The following CSPG4 variants were observed in gnomAD, a reference collection of about 807,000 sequenced individuals.
CSPG4 encodes the protein chondroitin sulfate proteoglycan 4 (melanoma-associated).
CSPG4 carries 74 observed loss-of-function variants against 139.3 expected under a neutral mutation model. That is an observed-to-expected ratio of 0.53 (90% CI 0.44 to 0.64). The LOEUF (loss-of-function observed/expected upper bound fraction) is 0.64. Among genes scored for constraint, CSPG4 ranks in the 30% least tolerant of loss-of-function variants. The pLI is 0.00. For missense variants in CSPG4, 2,565 were observed against 3,148.3 expected (o/e 0.81, Z 4.43); for synonymous variants, 1,234 against 1,394.2 (o/e 0.89, Z 2.56).
rs1298566179 is a variant in CSPG4, at chr15:75,677,903, C to T, written c.4951-17G>A. 4.1e-5 allele frequency: 65 copies of T among 1,584,028 alleles called. No homozygotes were observed. The highest frequency in any genetic ancestry group is 1.7e-4 in the Middle Eastern group (1 of 5,872). ...AGCGTAGACCTAGGGGAGACACCAT[C>T]GTGGGGTGAGAGGCAGGTCCAGCCT... On this transcript the variant is annotated splice_polypyrimidine_tract_variant and intron_variant, in intron 8 of 9. Transcript: ENST00000308508.
intron 8 of CSPG4, among the ~76,000 whole-genome samples, chr15:75,678,139 C>T (rs562252118): frequency 6.6e-6 from 1 of 152,298 alleles, no homozygotes; most frequent in Non-Finnish European, 1.5e-5. Context: ...TTTCTCTGAC[C>T]TCTGGGGAAT....
At chr15:75,707,994 C>T (rs1007405593) in intron 1 of CSPG4, among the ~76,000 whole-genome samples, 2 of 151,286 alleles carry the variant, frequency 1.3e-5, no homozygotes, top group Non-Finnish European at 3.0e-5. Context: ...CTCCTGAGGA[C>T]TCACTGTGTG....
Position 75,677,687 on chromosome 15 carries a change from T to C in CSPG4, c.5134+16A>G. On this transcript the variant is annotated intron_variant, in intron 9 of 9. Coordinates refer to ENST00000308508, the MANE Select transcript of CSPG4 (RefSeq NM_001897.5). ...TGTCCCTCCCCACAATCTTGCCAGC[T>C]TATCATGCTGTTCACCTTTGTTCTT... 1 of 1,581,138 alleles carries C rather than the reference T, an allele frequency of 6.3e-7. No individual in the cohort carries two copies. Among genetic ancestry groups the C allele is most frequent in the South Asian group, 1.1e-5 (1 of 87,418 alleles).
intron 9 of CSPG4, 67 bp downstream of exon 9, chr15:75,677,636 G>A (rs746214005): frequency 8.7e-6 from 13 of 1,496,894 alleles, no homozygotes; most frequent in Non-Finnish European, 1.1e-5. Flanking sequence ...CTGGCCTCGT[G>A]TCCCCTCCTC....
chr15:75,681,787 T>A (rs1315370805), intron 8 of CSPG4, among the ~76,000 whole-genome samples: 1 of 152,196 alleles, frequency 6.6e-6, no homozygotes, highest in Non-Finnish European at 1.5e-5. Context: ...AGCTTCACCC[T>A]CTTGGCTGAC....
chr15:75,675,020 C>G lies in CSPG4; in HGVS notation c.*530G>C, dbSNP rs1409101130. 1.0e-5 allele frequency: 4 copies of G among 391,930 alleles called. No individual in the cohort carries two copies. Among genetic ancestry groups the G allele is most frequent in the Non-Finnish European group, 1.8e-5 (4 of 222,446 alleles). 24.3% of individuals were successfully genotyped at this position (391,930 alleles called of 1,614,324 possible). ...ACTGGAGGCGCTCTCTCCTCTTGCC[C>G]TCTACTCCAGGGGATACCATCTCCC... is the stretch of plus-strand genomic sequence containing the variant. On this transcript the variant is annotated 3_prime_UTR_variant, in exon 10 of 10. Transcript: ENST00000308508.
rs145147071 is a variant in CSPG4, at chr15:75,684,496, C to T, written c.4449+240G>A. Among the ~76,000 whole-genome samples, 441 of 152,358 alleles carry T rather than the reference C, an allele frequency of 2.9e-3. 1 individual carries two copies. The highest frequency in any genetic ancestry group is 1.0e-2 in the African/African-American group (414 of 41,586). On this transcript the variant is annotated intron_variant, in intron 5 of 9. Transcript: ENST00000308508. ...AAGGAACAGCAGAGCCACCCGTGGC[C>T]GCTCAGAAGTCTGCCTACCATACTT...
intron 5 of CSPG4, among the ~76,000 whole-genome samples, chr15:75,683,422 G>A (rs1379134448): frequency 6.6e-6 from 1 of 152,316 alleles, no homozygotes; most frequent in East Asian, 1.9e-4. Context: ...TGGTGGGACA[G>A]GGGTCTCCTT....
At chr15:75,691,003 T>C (rs1894159181) in intron 2 of CSPG4, among the ~76,000 whole-genome samples, 191 bp from the exon 3 acceptor site, 1 of 152,236 alleles carries the variant, frequency 6.6e-6, no homozygotes, top group South Asian at 2.1e-4. Flanking sequence ...GGAGAAACCC[T>C]GTCTCTACTA....
Position 75,674,570 on chromosome 15 carries a change from C to A in CSPG4, c.*980G>T, listed in dbSNP as rs1893862646. On this transcript the variant is annotated 3_prime_UTR_variant, in exon 10 of 10. Transcript: ENST00000308508. ...ACCCCAGGGGCCCTCTGTATGCAAGCCGACGCAGACAAGGGCCCAGTGCAT... is the reference window on the plus strand; with the variant it reads ...ACCCCAGGGGCCCTCTGTATGCAAGACGACGCAGACAAGGGCCCAGTGCAT... 2 of 395,120 alleles carry A rather than the reference C, an allele frequency of 5.1e-6. No homozygotes were observed. The highest frequency in any genetic ancestry group is 1.4e-4 in the South Asian group (1 of 7,026). 24.5% of individuals were successfully genotyped at this position (395,120 alleles called of 1,614,324 possible). A position where few individuals can be genotyped will look rare whatever the true frequency, so the allele number is the denominator to read the frequency against.
At chr15:75,704,546 T>C (rs1252037461) in intron 1 of CSPG4, among the ~76,000 whole-genome samples, 1 of 152,150 alleles carries the variant, frequency 6.6e-6, no homozygotes. Context: ...GGCCGGGCCC[T>C]GTCCAGGGGT....
At chr15:75,685,756 G>A (rs1311128915) in intron 3 of CSPG4, 55 bp from the exon 4 acceptor site, 3 of 1,522,852 alleles carry the variant, frequency 2.0e-6, no homozygotes, top group African/African-American at 1.4e-5. Flanking sequence ...GGTCTCAGAG[G>A]GGTCCACTGT....
At chr15:75,683,471 G>A (rs1193010193) in intron 5 of CSPG4, among the ~76,000 whole-genome samples, 3 of 152,240 alleles carry the variant, frequency 2.0e-5, no homozygotes, top group African/African-American at 7.2e-5. Flanking sequence ...GCCGGGCACA[G>A]GTGGGAATGG....
chr15:75,690,878 G>C, intron 2 of CSPG4, 66 bp from the exon 3 acceptor site: 1 of 1,515,646 alleles, frequency 6.6e-7, no homozygotes, highest in Non-Finnish European at 8.9e-7. Context: ...CCTTATAAAA[G>C]CATAGAGCCG....
In CSPG4 at chr15:75,690,325, C is replaced by G. The variant is rs150241616; in HGVS notation, c.740G>C (p.Arg247Pro). 2.5e-6 allele frequency: 4 copies of G among 1,607,886 alleles called. No homozygotes were observed. In the African/African-American group the frequency reaches 5.4e-5, roughly 22 times the overall value. Residue 247 changes from arginine (R) to proline (P), a missense_variant, in exon 3 of 10, where the codon CGT becomes CCT. Coordinates refer to ENST00000308508, the MANE Select transcript of CSPG4 (RefSeq NM_001897.5). ...APLAFQAGGR[R>P]GDFIYVDIFE... ...TATGTCCACATAGATGAAGTCCCCA[C>G]GCCGGCCCCCTGCCTGGAAGGCCAA...
intron 1 of CSPG4, among the ~76,000 whole-genome samples, chr15:75,712,046 G>T (rs1894453721): frequency 6.7e-6 from 1 of 149,746 alleles, no homozygotes; most frequent in African/African-American, 2.5e-5. Context: ...TGGGTGGGGG[G>T]TCCTGCCTGT....
intron 1 of CSPG4, among the ~76,000 whole-genome samples, chr15:75,695,303 C>T (rs1308173758): frequency 2.6e-5 from 4 of 152,206 alleles, no homozygotes; most frequent in African/African-American, 9.7e-5. Flanking sequence ...CACTGAACCA[C>T]CTGCCTGCAG....
chr15:75,691,695 A>G (rs1034347142), intron 2 of CSPG4, among the ~76,000 whole-genome samples: 2 of 152,194 alleles, frequency 1.3e-5, no homozygotes, highest in African/African-American at 4.8e-5. Flanking sequence ...GATGAAGGAC[A>G]TAGTTCTGTC....
intron 8 of CSPG4, chr15:75,678,984 G>T: frequency 2.9e-6 from 1 of 343,516 alleles, no homozygotes; most frequent in South Asian, 2.2e-5. Context: ...TCTCCTGGCT[G>T]GTCCTCCTCT....
Sources: gnomAD v4.1 joint callset for allele counts (sites outside exome capture counted in the v4.1 genomes callset) on GRCh38, gnomAD v4.1.1 for gene constraint, MANE v1.5 for transcripts, NCBI Gene and HGNC (gene_info 2026-07-23, HGNC 2026-07-21) for gene names.